Variants in ERC2 observed in about 807,000 individuals in gnomAD.
The protein encoded by ERC2 is ERC protein 2.
A neutral mutation model predicts 114.8 loss-of-function variants in ERC2; 42 were observed. The ratio of observed to expected loss-of-function variants is 0.37; its 90% CI spans 0.29 to 0.47. The LOEUF (loss-of-function observed/expected upper bound fraction) is 0.47, where lower values mean the gene tolerates loss of function less well. Ranked by LOEUF, ERC2 falls within the 20% of genes least tolerant of loss-of-function variation. The pLI, the probability that ERC2 is intolerant of heterozygous loss-of-function variation, is 0.99. For missense variants in ERC2, 939 were observed against 1,150.7 expected, an observed-to-expected ratio of 0.82 and a Z score of 2.66; for synonymous variants, 454 against 425.5, an observed-to-expected ratio of 1.07 and a Z score of -0.82.
chr3:56,307,070 T>G (rs4974133), intron 2 of ERC2, among the ~76,000 whole-genome samples: 50,665 of 152,004 alleles, frequency 0.33, 8,628 homozygotes, highest in Admixed American at 0.34. Flanking sequence ...CTGGCCCTGG[T>G]GCAGAGGTGC....
At chr3:56,379,490 A>G (rs1232319452) in intron 2 of ERC2, among the ~76,000 whole-genome samples, 2 of 152,192 alleles carry the variant, frequency 1.3e-5, no homozygotes, top group African/African-American at 4.8e-5. Context: ...AAGAGAAGGT[A>G]CAACTGTAAT....
intron 3 of ERC2, among the ~76,000 whole-genome samples, chr3:56,190,837 G>C (rs1416590807): frequency 6.6e-6 from 1 of 152,146 alleles, no homozygotes; most frequent in East Asian, 1.9e-4. Flanking sequence ...GCCTCCCAAA[G>C]TGCTGAGATT....
chr3:55,989,085 C>T (rs2070855983), intron 11 of ERC2, among the ~76,000 whole-genome samples: 1 of 152,228 alleles, frequency 6.6e-6, no homozygotes, highest in African/African-American at 2.4e-5. Context: ...CAATGCTCTG[C>T]TGCTGGACGC....
At chr3:56,035,407 C>A (rs945716916) in intron 7 of ERC2, among the ~76,000 whole-genome samples, 2 of 152,186 alleles carry the variant, frequency 1.3e-5, no homozygotes, top group African/African-American at 4.8e-5. Context: ...GAATTAATGC[C>A]AATCCTTCTC....
At chr3:56,201,822 C>A (rs1228569236) in intron 3 of ERC2, among the ~76,000 whole-genome samples, 2 of 152,178 alleles carry the variant, frequency 1.3e-5, no homozygotes, top group Non-Finnish European at 2.9e-5. Flanking sequence ...TCCCATGGAA[C>A]AATTTCTTCT....
At chr3:56,239,328 G>A (rs1474163627) in intron 3 of ERC2, among the ~76,000 whole-genome samples, 1 of 151,798 alleles carries the variant, frequency 6.6e-6, no homozygotes, top group Non-Finnish European at 1.5e-5. Flanking sequence ...ACCAGCGTGG[G>A]CAACATGGTG....
intron 17 of ERC2, among the ~76,000 whole-genome samples, chr3:55,547,284 C>A (rs147603037): frequency 1.3e-5 from 2 of 152,250 alleles, no homozygotes; most frequent in Non-Finnish European, 2.9e-5. Flanking sequence ...TCCTCTACAT[C>A]GGCCAGGTCT....
intron 2 of ERC2, among the ~76,000 whole-genome samples, chr3:56,297,111 C>A (rs1437644999): frequency 6.7e-6 from 1 of 149,310 alleles, no homozygotes; most frequent in East Asian, 2.0e-4. Context: ...AGTAACTGAA[C>A]AGCATGGTAA....
chr3:56,389,091 C>A (rs974188629), intron 2 of ERC2, among the ~76,000 whole-genome samples: 2 of 151,988 alleles, frequency 1.3e-5, no homozygotes, highest in East Asian at 3.9e-4. Context: ...CAAAGAATAG[C>A]TCACTTTCCC....
At chr3:56,120,136 AAGAG>A (rs889977684) in intron 6 of ERC2, among the ~76,000 whole-genome samples, 2 of 151,934 alleles carry the variant, frequency 1.3e-5, no homozygotes, top group South Asian at 2.1e-4. Flanking sequence ...ATTGAAAAAA[AAGAG>A]AGAGAGAGAG....
chr3:56,406,081 C>T (rs1314139276), intron 2 of ERC2, among the ~76,000 whole-genome samples: 1 of 151,808 alleles, frequency 6.6e-6, no homozygotes, highest in Non-Finnish European at 1.5e-5. Context: ...TCAGTAGAGA[C>T]GTGGTTGTGC....
intron 3 of ERC2, among the ~76,000 whole-genome samples, chr3:56,220,948 C>G (rs1289676131): frequency 6.6e-6 from 1 of 152,002 alleles, no homozygotes; most frequent in Non-Finnish European, 1.5e-5. Context: ...TCAATGGGCT[C>G]CAAATGTTTT....
intron 12 of ERC2, among the ~76,000 whole-genome samples, chr3:55,974,139 G>C (rs983499097): frequency 6.6e-6 from 1 of 152,136 alleles, no homozygotes; most frequent in Non-Finnish European, 1.5e-5. Flanking sequence ...AAGTTTAAAA[G>C]TTTAAGGAAA....
intron 7 of ERC2, among the ~76,000 whole-genome samples, chr3:56,069,197 G>A (rs2076615606): frequency 6.6e-6 from 1 of 152,216 alleles, no homozygotes. Context: ...ATGCTGAGCA[G>A]TCAAGGTATT....
At chr3:56,182,940 G>T (rs1457325876) in intron 3 of ERC2, among the ~76,000 whole-genome samples, 1 of 152,018 alleles carries the variant, frequency 6.6e-6, no homozygotes, top group Non-Finnish European at 1.5e-5. Flanking sequence ...AACATGGTTG[G>T]CACACAGAAG....
chr3:56,007,111 G>A (rs1254168645), intron 10 of ERC2, 70 bp downstream of exon 10: 32 of 1,392,598 alleles, frequency 2.3e-5, no homozygotes, highest in African/African-American at 4.4e-5. Flanking sequence ...TTTTAAAAAC[G>A]TCTCTTCCTG....
intron 17 of ERC2, among the ~76,000 whole-genome samples, chr3:55,620,880 C>G (rs1055724607): frequency 3.9e-5 from 6 of 152,184 alleles, no homozygotes; most frequent in African/African-American, 1.4e-4. Flanking sequence ...CTTCTCAGGT[C>G]ATAAATTCTA....
intron 1 of ERC2, among the ~76,000 whole-genome samples, chr3:56,442,370 C>A (rs1027519165): frequency 6.6e-6 from 1 of 152,118 alleles, no homozygotes; most frequent in Non-Finnish European, 1.5e-5. Context: ...CAAGCGCACA[C>A]CCCCTCGCCT....
At chr3:55,924,623 A>T (rs1287529200) in intron 13 of ERC2, among the ~76,000 whole-genome samples, 4 of 152,054 alleles carry the variant, frequency 2.6e-5, no homozygotes, top group African/African-American at 7.2e-5. Context: ...CAGAACTCCA[A>T]GCAGAAGGTG....
Sources: allele counts gnomAD v4.1 joint callset (sites outside exome capture counted in the v4.1 genomes callset), GRCh38; gene constraint gnomAD v4.1.1; transcripts MANE v1.5; gene names NCBI Gene and HGNC (gene_info 2026-07-23, HGNC 2026-07-21).